The following SNAP47 variants were observed in gnomAD, a reference collection of about 807,000 sequenced individuals.
The protein encoded by SNAP47 is synaptosome associated protein 47, also known as synaptosomal-associated protein 47.
In SNAP47, 20 loss-of-function variants were observed where a neutral mutation model predicts 31.4. The observed-to-expected ratio is 0.64, with a 90% CI of 0.45 to 0.93. The LOEUF (loss-of-function observed/expected upper bound fraction) is 0.93, where lower values mean the gene tolerates loss of function less well. Ranked by LOEUF, SNAP47 falls within the 40% of genes least tolerant of loss-of-function variation. SNAP47 has a pLI of 0.00. For missense variants in SNAP47, 492 were observed against 528.5 expected (o/e 0.93, Z 0.68); for synonymous variants, 194 against 213.4 (o/e 0.91, Z 0.79).
At chr1:227,772,023 T>A (rs1271970237) in intron 4 of SNAP47, among the ~76,000 whole-genome samples, 2 of 152,074 alleles carry the variant, frequency 1.3e-5, no homozygotes, top group Non-Finnish European at 2.9e-5. Context: ...GACCGAGTGC[T>A]GAGTGGGACT....
chr1:227,740,991 G>T (rs1661556841), intron 1 of SNAP47, among the ~76,000 whole-genome samples: 1 of 147,834 alleles, frequency 6.8e-6, no homozygotes, highest in Admixed American at 6.6e-5. Context: ...TGCCTGTTAG[G>T]GTCAGGGACA....
At chr1:227,764,489 C>T (rs766263594) in intron 3 of SNAP47, among the ~76,000 whole-genome samples, 10 of 152,228 alleles carry the variant, frequency 6.6e-5, no homozygotes, top group Non-Finnish European at 7.3e-5. Flanking sequence ...CCTGTGTCGG[C>T]TGGGCACGGT....
intron 1 of SNAP47, among the ~76,000 whole-genome samples, chr1:227,735,918 A>T (rs1190253746): frequency 4.7e-5 from 6 of 126,932 alleles, no homozygotes; most frequent in Admixed American, 1.5e-4. Context: ...GGACGGTGGG[A>T]TCTGGAGGGG....
upstream of SNAP47, chr1:227,731,364 A>G (rs1660634564): frequency 6.6e-6 from 1 of 152,278 alleles, no homozygotes; most frequent in Non-Finnish European, 1.5e-5. Flanking sequence ...CGGGCAGGCA[A>G]TGTGCATAGC....
chr1:227,733,292 G>T, upstream of SNAP47: 1 of 1,077,300 alleles, frequency 9.3e-7, no homozygotes, highest in South Asian at 1.6e-5. Flanking sequence ...CTTGTGAAGG[G>T]GTCAGCCTCA....
intron 4 of SNAP47, among the ~76,000 whole-genome samples, chr1:227,771,301 G>A (rs1326602373): frequency 6.6e-6 from 1 of 152,228 alleles, no homozygotes; most frequent in Non-Finnish European, 1.5e-5. Flanking sequence ...GCTGAGCTAA[G>A]CCGCCATGTT....
chr1:227,733,599 G>C (rs778389298), upstream of SNAP47: 4 of 1,606,348 alleles, frequency 2.5e-6, no homozygotes, highest in South Asian at 1.1e-5. Flanking sequence ...TCCTGCCCTG[G>C]GGGGAAGAGG....
chr1:227,781,064 C>G lies in SNAP47; in HGVS notation c.*391C>G. The stretch of plus-strand genomic sequence containing the variant: ...TGAAGTTAGAGCCCAGCTCACTTAG[C>G]CAGCTCACTTTGAGGGCATCCTATA... On this transcript the variant is annotated 3_prime_UTR_variant, in exon 5 of 5. Coordinates refer to ENST00000617596, the MANE Select transcript of SNAP47 (RefSeq NM_053052.4). 1 of 186,880 alleles carries G rather than the reference C, an allele frequency of 5.4e-6. No homozygotes were observed. The highest frequency in any genetic ancestry group is 1.1e-5 in the Non-Finnish European group (1 of 90,574). 11.6% of individuals were successfully genotyped at this position (186,880 alleles called of 1,614,324 possible).
At chr1:227,754,215 G>A (rs1662553455) in intron 2 of SNAP47, among the ~76,000 whole-genome samples, 1 of 152,258 alleles carries the variant, frequency 6.6e-6, no homozygotes, top group Non-Finnish European at 1.5e-5. Context: ...CATTCTGCCA[G>A]TTGGTGGCCT....
chr1:227,771,012 G>A (rs1663766642), intron 4 of SNAP47, among the ~76,000 whole-genome samples: 1 of 152,230 alleles, frequency 6.6e-6, no homozygotes, highest in Non-Finnish European at 1.5e-5. Flanking sequence ...GGTGGGACTG[G>A]CCACCCCCAA....
intron 4 of SNAP47, among the ~76,000 whole-genome samples, chr1:227,778,001 A>C (rs1272145193): frequency 6.6e-6 from 1 of 152,256 alleles, no homozygotes; most frequent in Non-Finnish European, 1.5e-5. Context: ...CATATCCAAT[A>C]ACTCAGCTTT....
At chr1:227,764,797 G>A (rs574853803) in intron 3 of SNAP47, among the ~76,000 whole-genome samples, 8 of 152,178 alleles carry the variant, frequency 5.3e-5, no homozygotes, top group South Asian at 2.1e-4. Context: ...CCAGCTGCTC[G>A]GGAGGCTGAG....
At chr1:227,753,863 G>A (rs895500497) in intron 2 of SNAP47, among the ~76,000 whole-genome samples, 2 of 152,058 alleles carry the variant, frequency 1.3e-5, no homozygotes, top group African/African-American at 4.8e-5. Context: ...CCAACCCCAC[G>A]ACAGCATCTA....
intron 1 of SNAP47, among the ~76,000 whole-genome samples, chr1:227,738,807 G>T (rs936902241): frequency 3.3e-5 from 5 of 152,180 alleles, no homozygotes; most frequent in Non-Finnish European, 5.9e-5. Context: ...AAATTCAGGT[G>T]GGCATTGCCT....
chr1:227,748,728 C>A (rs1343397953), intron 2 of SNAP47, among the ~76,000 whole-genome samples: 1 of 152,124 alleles, frequency 6.6e-6, no homozygotes, highest in Non-Finnish European at 1.5e-5. Flanking sequence ...TGGGCCCTGG[C>A]CTCTGAGGTC....
intron 4 of SNAP47, among the ~76,000 whole-genome samples, chr1:227,770,307 G>T (rs756059652): frequency 3.3e-5 from 5 of 152,152 alleles, no homozygotes; most frequent in Non-Finnish European, 7.4e-5. Flanking sequence ...GACTGAGGGT[G>T]CGGTCAGGCT....
chr1:227,764,632 G>A (rs568221370), intron 3 of SNAP47, among the ~76,000 whole-genome samples: 37 of 152,266 alleles, frequency 2.4e-4, no homozygotes, highest in African/African-American at 7.9e-4. Context: ...TAAGCCAGGC[G>A]CGGTGGCTCA....
intron 2 of SNAP47, among the ~76,000 whole-genome samples, chr1:227,752,734 T>C (rs1375279828): frequency 1.3e-5 from 2 of 152,234 alleles, no homozygotes; most frequent in African/African-American, 2.4e-5. Flanking sequence ...GGTGGTAGAC[T>C]TGTTTTCAAA....
chr1:227,732,699 TG>T (rs1660745538), upstream of SNAP47: 1 of 1,610,038 alleles, frequency 6.2e-7, no homozygotes. Flanking sequence ...AAGAGGCCAG[TG>T]AGCTAACACC....
Sources: gnomAD v4.1 joint callset for allele counts (sites outside exome capture counted in the v4.1 genomes callset) on GRCh38, gnomAD v4.1.1 for gene constraint, MANE v1.5 for transcripts, NCBI Gene and HGNC (gene_info 2026-07-23, HGNC 2026-07-21) for gene names.